The following RBFOX1 variants were observed in gnomAD, a reference collection of about 807,000 sequenced individuals.
RBFOX1 encodes the protein RNA binding protein fox-1 homolog 1.
In RBFOX1, 8 loss-of-function variants were observed where a neutral mutation model predicts 57.7. That is an observed-to-expected ratio of 0.14 (90% CI 0.08 to 0.25). The LOEUF (loss-of-function observed/expected upper bound fraction) is 0.25, where lower values mean the gene tolerates loss of function less well. Ranked by LOEUF, RBFOX1 falls within the 10% of genes least tolerant of loss-of-function variation. The pLI is 1.00. For missense variants in RBFOX1, 611 were observed against 548.5 expected (o/e 1.11, Z -1.14); for synonymous variants, 326 against 222.4 (o/e 1.47, Z -4.15).
At chr16:5,242,163 C>T (rs1482643931) in intron 1 of RBFOX1, among the ~76,000 whole-genome samples, 1 of 151,852 alleles carries the variant, frequency 6.6e-6, no homozygotes, top group Non-Finnish European at 1.5e-5. Flanking sequence ...GTGTCTTAAG[C>T]CAGAATCTCC....
chr16:7,376,961 AT>A (rs1568496928), intron 4 of RBFOX1, among the ~76,000 whole-genome samples: 1 of 152,154 alleles, frequency 6.6e-6, no homozygotes, highest in East Asian at 1.9e-4. Context: ...TAAACATAGT[AT>A]CCTTGTATGT....
intron 2 of RBFOX1, among the ~76,000 whole-genome samples, chr16:6,321,447 A>G (rs1161916959): frequency 1.3e-5 from 2 of 152,270 alleles, no homozygotes; most frequent in Admixed American, 1.3e-4. Context: ...AGTGTCCTCT[A>G]TTCCCTGCTG....
chr16:5,385,171 T>C (rs1224239334), intron 1 of RBFOX1, among the ~76,000 whole-genome samples: 3 of 152,248 alleles, frequency 2.0e-5, no homozygotes, highest in African/African-American at 7.2e-5. Flanking sequence ...GTGCTTTTTT[T>C]CTCATTCAGT....
intron 4 of RBFOX1, among the ~76,000 whole-genome samples, chr16:7,373,741 G>T (rs1238926938): frequency 6.6e-6 from 1 of 152,228 alleles, no homozygotes; most frequent in African/African-American, 2.4e-5. Flanking sequence ...CAGGGGCCCA[G>T]CTCTTTGCGC....
At chr16:7,230,911 G>A (rs924794326) in intron 4 of RBFOX1, among the ~76,000 whole-genome samples, 6 of 152,248 alleles carry the variant, frequency 3.9e-5, no homozygotes, top group African/African-American at 7.2e-5. Context: ...GTCTTCCCAA[G>A]GTTACTGGTG....
chr16:6,322,914 A>C (rs2081976302), intron 2 of RBFOX1, among the ~76,000 whole-genome samples: 1 of 152,120 alleles, frequency 6.6e-6, no homozygotes, highest in Non-Finnish European at 1.5e-5. Flanking sequence ...CTCATTGACC[A>C]TCCCATTTGC....
At chr16:5,718,699 G>A (rs1294670614) in intron 3 of RBFOX1, among the ~76,000 whole-genome samples, 1 of 152,158 alleles carries the variant, frequency 6.6e-6, no homozygotes, top group Non-Finnish European at 1.5e-5. Flanking sequence ...CTGAAGTCAG[G>A]AGTTTGAGAC....
intron 4 of RBFOX1, among the ~76,000 whole-genome samples, chr16:7,486,951 G>A (rs1177609856): frequency 6.6e-6 from 1 of 152,140 alleles, no homozygotes; most frequent in Non-Finnish European, 1.5e-5. Context: ...CCAGTCTGGA[G>A]TACAGTGGCA....
rs554335973 is a variant in RBFOX1 at position 7,074,848 on chromosome 16, C to T, written c.27+22750C>T. On this transcript the variant is annotated intron_variant, in intron 4 of 15. Coordinates refer to ENST00000550418, the MANE Select transcript of RBFOX1 (RefSeq NM_018723.4). ...AAAAGAGATCTATATTTGTCTATTG[C>T]GCAACATATCTCTGTAATGAGTACA... is the stretch of plus-strand genomic sequence containing the variant. Among the ~76,000 whole-genome samples, 85 of 152,190 alleles carry T rather than the reference C, an allele frequency of 5.6e-4. 1 individual carries two copies. The South Asian group carries it at 0.01, about 19-fold the overall frequency.
intron 4 of RBFOX1, among the ~76,000 whole-genome samples, chr16:5,924,116 C>T (rs1390579866): frequency 2.6e-5 from 4 of 152,102 alleles, no homozygotes; most frequent in Non-Finnish European, 4.4e-5. Context: ...TTGCACTCAT[C>T]CCGTCCTGCT....
intron 15 of RBFOX1, chr16:7,709,629 G>C (rs1312338981): frequency 6.5e-7 from 1 of 1,531,682 alleles, no homozygotes; most frequent in East Asian, 2.4e-5. Context: ...TAGTCGCCCA[G>C]GAAAGAAAAT....
intron 3 of RBFOX1, among the ~76,000 whole-genome samples, chr16:5,692,607 G>A (rs2050721920): frequency 1.3e-5 from 2 of 152,160 alleles, no homozygotes; most frequent in African/African-American, 4.8e-5. Context: ...GATTTGTTAT[G>A]CAGCAATAGA....
intron 3 of RBFOX1, among the ~76,000 whole-genome samples, chr16:5,612,367 C>A (rs1372141380): frequency 6.6e-6 from 1 of 152,112 alleles, no homozygotes; most frequent in African/African-American, 2.4e-5. Context: ...TATTGGGAAG[C>A]CACCATGTGC....
intron 1 of RBFOX1, among the ~76,000 whole-genome samples, chr16:6,063,093 C>G (rs2095709572): frequency 6.6e-6 from 1 of 152,124 alleles, no homozygotes; most frequent in South Asian, 2.1e-4. Context: ...TTCACAGAAA[C>G]ACGTAGATGA....
At chr16:5,847,106 G>T (rs1400643444) in intron 3 of RBFOX1, among the ~76,000 whole-genome samples, 2 of 152,132 alleles carry the variant, frequency 1.3e-5, no homozygotes, top group South Asian at 4.1e-4. Flanking sequence ...GCTGTGCAAG[G>T]GCCAGGCTGT....
chr16:6,848,225 G>A (rs111646325), intron 3 of RBFOX1, among the ~76,000 whole-genome samples: 9 of 152,100 alleles, frequency 5.9e-5, no homozygotes, highest in Non-Finnish European at 1.2e-4. Context: ...TGGTGAGCTC[G>A]GGCCCATGAC....
chr16:6,585,519 A>G (rs1208081100), intron 2 of RBFOX1, among the ~76,000 whole-genome samples: 6 of 152,160 alleles, frequency 3.9e-5, no homozygotes. Context: ...TCATCTTGAC[A>G]TGTTTTGCAA....
At chr16:7,114,242 G>A (rs1294167502) in intron 4 of RBFOX1, among the ~76,000 whole-genome samples, 2 of 152,104 alleles carry the variant, frequency 1.3e-5, no homozygotes, top group African/African-American at 2.4e-5. Context: ...GAAAGTGATT[G>A]TGTGTGCACA....
intron 4 of RBFOX1, among the ~76,000 whole-genome samples, chr16:7,272,664 G>C (rs1024449925): frequency 4.3e-5 from 5 of 116,506 alleles, no homozygotes; most frequent in Non-Finnish European, 8.4e-5. Context: ...TTATATCTGA[G>C]AAGGGGGAGG....
Sources: gnomAD v4.1 joint callset for allele counts (sites outside exome capture counted in the v4.1 genomes callset) on GRCh38, gnomAD v4.1.1 for gene constraint, MANE v1.5 for transcripts, NCBI Gene and HGNC (gene_info 2026-07-23, HGNC 2026-07-21) for gene names.